Variants in SLC39A11 observed in about 807,000 individuals in gnomAD.
The protein encoded by SLC39A11 is zinc transporter ZIP11.
A neutral mutation model predicts 36.1 loss-of-function variants in SLC39A11; 33 were observed. The ratio of observed to expected loss-of-function variants is 0.91; its 90% CI spans 0.69 to 1.22. The LOEUF (loss-of-function observed/expected upper bound fraction) is 1.22, where lower values mean the gene tolerates loss of function less well. SLC39A11 is among the 50% of genes most tolerant of loss of function. The pLI, the probability that SLC39A11 is intolerant of heterozygous loss-of-function variation, is 0.00. For synonymous variants in SLC39A11, 166 were observed against 170.3 expected (o/e 0.97, Z 0.20); for missense variants, 432 against 430.3 (o/e 1.00, Z -0.03).
At chr17:73,033,187 C>T (rs142269921) in intron 3 of SLC39A11, among the ~76,000 whole-genome samples, 4 of 152,296 alleles carry the variant, frequency 2.6e-5, no homozygotes, top group Admixed American at 1.3e-4. Flanking sequence ...GGAGCTCCCG[C>T]GGTAATCCTC....
intron 9 of SLC39A11, among the ~76,000 whole-genome samples, chr17:72,648,260 G>A (rs1598206917): frequency 6.7e-6 from 1 of 150,280 alleles, no homozygotes; most frequent in African/African-American, 2.5e-5. Context: ...AACCTGGGGG[G>A]CGGAGGTTGC....
intron 6 of SLC39A11, among the ~76,000 whole-genome samples, chr17:72,830,968 A>G (rs2078260053): frequency 6.6e-6 from 1 of 152,210 alleles, no homozygotes; most frequent in Non-Finnish European, 1.5e-5. Context: ...AGAACAGGGC[A>G]CAGAGAAGGA....
chr17:73,079,730 G>T (rs894749677), intron 3 of SLC39A11, among the ~76,000 whole-genome samples: 1 of 152,090 alleles, frequency 6.6e-6, no homozygotes, highest in Non-Finnish European at 1.5e-5. Context: ...CGATATGATC[G>T]TATACCTAGA....
intron 7 of SLC39A11, among the ~76,000 whole-genome samples, chr17:72,697,753 G>A (rs1232536087): frequency 2.7e-5 from 2 of 74,120 alleles, no homozygotes; most frequent in African/African-American, 5.5e-5. Flanking sequence ...CCCCCGCCCC[G>A]ACCCTCATGA....
At position 73,084,959 on chromosome 17, in the gene SLC39A11, T is replaced by C. The variant is rs957014181; in HGVS notation, c.109-113A>G. 1.1e-5 allele frequency: 12 copies of C among 1,087,344 alleles called. No homozygotes were observed. The African/African-American group carries it at 1.7e-4, about 16-fold the overall frequency. The allele number at this position is 1,087,344 out of a possible 1,614,324, so 67.4% of individuals were successfully genotyped here. On this transcript the variant is annotated intron_variant, in intron 2 of 9. Transcript: ENST00000255559. The stretch of plus-strand genomic sequence containing the variant: ...GCCACGCAAATAAAGACTGGCCGAC[T>C]CCTGAGCTCGTGAGCTACTCAGTTT...
At chr17:72,767,125 T>C (rs1007844790) in intron 6 of SLC39A11, among the ~76,000 whole-genome samples, 1 of 152,098 alleles carries the variant, frequency 6.6e-6, no homozygotes, top group Admixed American at 6.5e-5. Flanking sequence ...CCCTCTCAGG[T>C]TTATTCTCCA....
chr17:72,950,350 C>T lies in SLC39A11; in HGVS notation c.307-2475G>A, dbSNP rs143937532. 3.1e-3 allele frequency among the ~76,000 whole-genome samples: 477 copies of T among 152,250 alleles called. 10 individuals are homozygous for T. In the South Asian group the frequency reaches 0.035, roughly 11 times the overall value. On this transcript the variant is annotated intron_variant, in intron 4 of 9. Coordinates refer to ENST00000255559, the MANE Select transcript of SLC39A11 (RefSeq NM_139177.4). ...TAAAGGCAGCTGCCCTGCAGTATCA[C>T]GGTTAAGGTAGACCTACAGATGGCC...
intron 7 of SLC39A11, among the ~76,000 whole-genome samples, chr17:72,662,656 G>A (rs371208923): frequency 2.7e-4 from 11 of 41,208 alleles, no homozygotes; most frequent in East Asian, 1.3e-3. Context: ...AAAGAAAAAA[G>A]AAAAGAAAAA....
intron 3 of SLC39A11, among the ~76,000 whole-genome samples, chr17:73,063,570 G>A (rs1169266956): frequency 2.0e-5 from 3 of 151,946 alleles, no homozygotes; most frequent in South Asian, 2.1e-4. Flanking sequence ...AGCCGAGATC[G>A]TGTCACTGCA....
In SLC39A11 at chr17:72,647,594, C is replaced by CCAA; in HGVS notation, c.995_997dup (p.Val332dup). On this transcript the variant is annotated inframe_insertion, in exon 10 of 10. Transcript: ENST00000255559. ...CGAAGCGTCTCAGCCCTAGCCCAGG[C>CCAA]CAACGTCCAGTGACATCATCACTAC... 1 of 1,613,770 alleles carries CCAA rather than the reference C, an allele frequency of 6.2e-7. No homozygotes were observed. Among genetic ancestry groups the CCAA allele is most frequent in the Non-Finnish European group, 8.5e-7 (1 of 1,179,870 alleles).
intron 7 of SLC39A11, among the ~76,000 whole-genome samples, chr17:72,666,704 C>T (rs528778771): frequency 3.3e-5 from 5 of 152,306 alleles, no homozygotes; most frequent in South Asian, 4.1e-4. Flanking sequence ...TTGAACTGCA[C>T]GCCTAATGCA....
intron 5 of SLC39A11, among the ~76,000 whole-genome samples, chr17:72,858,660 G>A (rs74460430): frequency 1.3e-5 from 2 of 152,156 alleles, no homozygotes; most frequent in East Asian, 1.9e-4. Flanking sequence ...TCTTTGAGCA[G>A]TGTTTTGTAA....
intron 4 of SLC39A11, among the ~76,000 whole-genome samples, chr17:73,025,575 A>C (rs1221665957): frequency 6.6e-6 from 1 of 152,220 alleles, no homozygotes; most frequent in African/African-American, 2.4e-5. Flanking sequence ...ATCAATAAAA[A>C]TCATTTCAAA....
intron 6 of SLC39A11, among the ~76,000 whole-genome samples, chr17:72,779,884 T>C (rs2076253111): frequency 6.6e-6 from 1 of 152,106 alleles, no homozygotes; most frequent in Non-Finnish European, 1.5e-5. Context: ...GGCAACTCCC[T>C]TTTCAATAGG....
intron 7 of SLC39A11, among the ~76,000 whole-genome samples, chr17:72,672,513 A>G (rs887534915): frequency 1.3e-5 from 2 of 152,226 alleles, no homozygotes; most frequent in African/African-American, 4.8e-5. Context: ...GACCAGCACC[A>G]TAAGATTCAT....
chr17:72,931,878 A>G (rs931919083), intron 5 of SLC39A11, among the ~76,000 whole-genome samples: 1 of 152,176 alleles, frequency 6.6e-6, no homozygotes, highest in Non-Finnish European at 1.5e-5. Context: ...GAAGATGAAC[A>G]AAGTCCACTG....
intron 3 of SLC39A11, among the ~76,000 whole-genome samples, chr17:73,052,615 C>A (rs1292993833): frequency 6.6e-6 from 1 of 152,238 alleles, no homozygotes; most frequent in African/African-American, 2.4e-5. Flanking sequence ...AACTGAGAAA[C>A]TGCAGAACAC....
intron 5 of SLC39A11, among the ~76,000 whole-genome samples, chr17:72,907,178 G>A (rs2082698122): frequency 6.6e-6 from 1 of 152,192 alleles, no homozygotes; most frequent in South Asian, 2.1e-4. Context: ...AGAGCACAAG[G>A]AAAACACCAT....
intron 6 of SLC39A11, among the ~76,000 whole-genome samples, chr17:72,747,609 C>T (rs1326205328): frequency 6.6e-6 from 1 of 152,202 alleles, no homozygotes; most frequent in Non-Finnish European, 1.5e-5. Flanking sequence ...GACTCACAGG[C>T]TTAGACACAC....
Sources: allele counts gnomAD v4.1 joint callset (sites outside exome capture counted in the v4.1 genomes callset), GRCh38; gene constraint gnomAD v4.1.1; transcripts MANE v1.5; gene names NCBI Gene and HGNC (gene_info 2026-07-23, HGNC 2026-07-21).